SASH1: variants seen among roughly 807,000 people sequenced by gnomAD.
SASH1 encodes the protein SAM and SH3 domain containing 1.
A neutral mutation model predicts 125.2 loss-of-function variants in SASH1; 44 were observed. That is an observed-to-expected ratio of 0.35 (90% confidence interval 0.28 to 0.45). The LOEUF (loss-of-function observed/expected upper bound fraction) is 0.45. Among genes scored for constraint, SASH1 ranks in the 20% least tolerant of loss-of-function variants. The pLI is 1.00. For synonymous variants in SASH1, 639 were observed against 649.1 expected (o/e 0.98, Z 0.24); for missense variants, 1,426 against 1,614.5 (o/e 0.88, Z 2.00).
At chr6:148,508,726 C>G in intron 8 of SASH1, 1 of 1,224,096 alleles carries the variant, frequency 8.2e-7, no homozygotes, top group South Asian at 1.4e-5. Flanking sequence ...CATGTAACTC[C>G]AGAGAGACAT....
chr6:148,333,161 G>T (rs191588815), intron 1 of SASH1, among the ~76,000 whole-genome samples: 2 of 152,082 alleles, frequency 1.3e-5, no homozygotes, highest in East Asian at 3.9e-4. Flanking sequence ...TGGGGAACTT[G>T]TTAAAAAACA....
intron 1 of SASH1, among the ~76,000 whole-genome samples, chr6:148,373,612 T>A (rs1782778225): frequency 6.6e-6 from 1 of 152,086 alleles, no homozygotes; most frequent in Non-Finnish European, 1.5e-5. Flanking sequence ...TTTCCAACTG[T>A]TGTGTTTAGA....
At chr6:148,316,522 G>C (rs1183263880) in intron 1 of SASH1, among the ~76,000 whole-genome samples, 1 of 152,214 alleles carries the variant, frequency 6.6e-6, no homozygotes, top group Non-Finnish European at 1.5e-5. Context: ...CCGCTTCAGG[G>C]CATCATGCCC....
chr6:148,533,196 C>A lies in SASH1; in HGVS notation c.1734+230C>A, dbSNP rs927641849. On this transcript the variant is annotated intron_variant, in intron 14 of 19. Transcript: ENST00000367467. The surrounding 1 kb of genome is among the most constrained non-coding windows in gnomAD (Gnocchi z 6.2). ...TCCCTGGGTTAGCATCACTTCACCC[C>A]TCTGACCTCAGCTTCCCTCTAGAAT... is the stretch of plus-strand genomic sequence containing the variant. 2.0e-5 allele frequency among the ~76,000 whole-genome samples: 3 copies of A among 152,190 alleles called. No homozygotes were observed. The highest frequency in any genetic ancestry group is 1.9e-4 in the East Asian group (1 of 5,186).
In SASH1 at chr6:148,534,042, A is replaced by T. The variant is rs1781690437; in HGVS notation, c.1944+62A>T. The stretch of plus-strand genomic sequence containing the variant: ...TCACTGCCTTTTTCTCTCCTACACT[A>T]AGCAAGTGAGGGCATTTTTAGGGTA... On this transcript the variant is annotated intron_variant, in intron 15 of 19. Transcript: ENST00000367467. 4.1e-5 allele frequency: 61 copies of T among 1,499,254 alleles called. 2 individuals are homozygous for T. In the South Asian group the frequency reaches 7.1e-4, roughly 17 times the overall value. 92.9% of individuals were successfully genotyped at this position (1,499,254 alleles called of 1,614,324 possible). A position where few individuals can be genotyped will look rare whatever the true frequency, so the allele number is the denominator to read the frequency against.
intron 1 of SASH1, among the ~76,000 whole-genome samples, chr6:148,384,164 G>T (rs1429626167): frequency 2.0e-5 from 3 of 152,146 alleles, no homozygotes; most frequent in Non-Finnish European, 4.4e-5. Flanking sequence ...AAAGACAGGG[G>T]TGGGAAAATT....
chr6:148,316,790 G>C (rs1780489819), intron 1 of SASH1, among the ~76,000 whole-genome samples: 1 of 152,194 alleles, frequency 6.6e-6, no homozygotes, highest in Non-Finnish European at 1.5e-5. Flanking sequence ...TAGTATTTAT[G>C]ATTGCTATAC....
At chr6:148,372,779 A>G (rs1296792762) in intron 1 of SASH1, among the ~76,000 whole-genome samples, 1 of 152,196 alleles carries the variant, frequency 6.6e-6, no homozygotes, top group Non-Finnish European at 1.5e-5. Context: ...CCTAAGCACA[A>G]AAAAGAAAAC....
chr6:148,341,040 CAGG>C (rs904657734), upstream of SASH1, among the ~76,000 whole-genome samples: 3 of 152,106 alleles, frequency 2.0e-5, no homozygotes, highest in African/African-American at 7.2e-5. Flanking sequence ...GTGGTTGAGG[CAGG>C]AGGATTGCTT....
Position 148,544,181 on chromosome 6 carries a change from A to G in SASH1, c.2711A>G (p.Gln904Arg). 1 of 1,614,156 alleles carries G rather than the reference A, an allele frequency of 6.2e-7. No homozygotes were observed. Among genetic ancestry groups the G allele is most frequent in the Non-Finnish European group, 8.5e-7 (1 of 1,180,026 alleles). Residue 904 changes from glutamine (Q) to arginine (R), a missense_variant, in exon 18 of 20, where the codon CAG becomes CGG. Coordinates refer to ENST00000367467, the MANE Select transcript of SASH1 (RefSeq NM_015278.5). The surrounding 1 kb of genome is among the most constrained non-coding windows in gnomAD (Gnocchi z 6.4). ...CAAAGCAAGAGATTTTCTGAACCTCAGAAATTGACAACTAAGAAACTGGAG... is the reference window on the plus strand; with the variant it reads ...CAAAGCAAGAGATTTTCTGAACCTCGGAAATTGACAACTAAGAAACTGGAG... ...LTQSKRFSEP[Q>R]KLTTKKLEGS...
At chr6:148,446,388 G>C (rs866748164) in intron 4 of SASH1, among the ~76,000 whole-genome samples, 1 of 152,124 alleles carries the variant, frequency 6.6e-6, no homozygotes, top group South Asian at 2.1e-4. Flanking sequence ...GATGACAGGC[G>C]TGAGCCACCG....
chr6:148,305,758 C>A (rs1372071227), intron 1 of SASH1, among the ~76,000 whole-genome samples: 1 of 152,066 alleles, frequency 6.6e-6, no homozygotes, highest in South Asian at 2.1e-4. Context: ...TTTAACAGAG[C>A]TGTGGGCAGG....
chr6:148,410,341 C>G (rs1346887956), intron 2 of SASH1, among the ~76,000 whole-genome samples: 1 of 151,906 alleles, frequency 6.6e-6, no homozygotes, highest in Non-Finnish European at 1.5e-5. Context: ...GAACCCCTGA[C>G]CTTGTGATCT....
At chr6:148,362,740 T>G (rs1212499080) in intron 1 of SASH1, among the ~76,000 whole-genome samples, 2 of 151,878 alleles carry the variant, frequency 1.3e-5, no homozygotes, top group African/African-American at 4.8e-5. Flanking sequence ...CCCAGCTACT[T>G]GGAAGGATGA....
intron 2 of SASH1, among the ~76,000 whole-genome samples, chr6:148,437,680 C>T (rs1019304672): frequency 2.6e-5 from 4 of 152,148 alleles, no homozygotes; most frequent in African/African-American, 4.8e-5. Flanking sequence ...TGAATAGCCA[C>T]TACACTCCAG....
chr6:148,318,180 G>A (rs2114564044), intron 1 of SASH1, among the ~76,000 whole-genome samples: 1 of 152,232 alleles, frequency 6.6e-6, no homozygotes, highest in Middle Eastern at 3.4e-3. Flanking sequence ...TTCTATGTCT[G>A]GCTGGCATTG....
At chr6:148,436,017 C>T (rs895936399) in intron 2 of SASH1, among the ~76,000 whole-genome samples, 6 of 152,210 alleles carry the variant, frequency 3.9e-5, no homozygotes, top group African/African-American at 1.4e-4. Flanking sequence ...GCACCCCATT[C>T]CTCATTTTGA....
At chr6:148,433,640 G>A (rs955810951) in intron 2 of SASH1, among the ~76,000 whole-genome samples, 4 of 151,788 alleles carry the variant, frequency 2.6e-5, no homozygotes, top group Admixed American at 2.0e-4. Flanking sequence ...TACTGATCTC[G>A]TGATCCGCCC....
chr6:148,393,852 A>G (rs767755930), intron 2 of SASH1: 44 of 317,650 alleles, frequency 1.4e-4, no homozygotes, highest in Middle Eastern at 3.1e-3. Flanking sequence ...TTAGCAAGTA[A>G]GACCCCAAAT....
Sources: allele counts gnomAD v4.1 joint callset (sites outside exome capture counted in the v4.1 genomes callset), GRCh38; gene constraint gnomAD v4.1.1; non-coding constraint Gnocchi (gnomAD v3.1); transcripts MANE v1.5; gene names NCBI Gene and HGNC (gene_info 2026-07-23, HGNC 2026-07-21).